The following DGLUCY variants were observed in gnomAD, a reference collection of about 807,000 sequenced individuals.
DGLUCY encodes the protein D-glutamate cyclase, also known as D-glutamate cyclase, mitochondrial.
Under a neutral mutation model 58.5 loss-of-function variants are expected in DGLUCY, and 58 were observed. The observed-to-expected ratio is 0.99, with a 90% CI of 0.80 to 1.23. The LOEUF is 1.23. Among genes scored for constraint, DGLUCY ranks in the 50% most tolerant of loss-of-function variants. DGLUCY has a pLI of 0.00. For synonymous variants in DGLUCY, 325 were observed against 314.1 expected, an observed-to-expected ratio of 1.03 and a Z score of -0.37; for missense variants, 779 against 784.7, an observed-to-expected ratio of 0.99 and a Z score of 0.09.
intron 1 of DGLUCY, among the ~76,000 whole-genome samples, chr14:91,071,334 C>CAA (rs3086750): frequency 0.085 from 7,178 of 84,062 alleles, 608 homozygotes; most frequent in African/African-American, 0.24. Flanking sequence ...GAGATTCCAC[C>CAA]AAAAAAAAAA....
At chr14:91,176,142 C>A (rs1432098581) in intron 7 of DGLUCY, 86 bp downstream of exon 7, 2 of 1,462,164 alleles carry the variant, frequency 1.4e-6, no homozygotes, top group Non-Finnish European at 1.8e-6. Flanking sequence ...TCTCGTAGTA[C>A]AATGATTTAA....
intron 12 of DGLUCY, among the ~76,000 whole-genome samples, chr14:91,210,221 C>A (rs1476740256): frequency 6.6e-6 from 1 of 151,978 alleles, no homozygotes; most frequent in Non-Finnish European, 1.5e-5. Context: ...GCCAAGATTG[C>A]CCCAAAAAAA....
chr14:91,137,552 ATTT>A (rs55763052), intron 1 of DGLUCY, among the ~76,000 whole-genome samples: 13 of 139,814 alleles, frequency 9.3e-5, no homozygotes, highest in Admixed American at 1.4e-4. Flanking sequence ...CGCCTGGCTA[ATTT>A]TTTTTTTTTT....
intron 1 of DGLUCY, among the ~76,000 whole-genome samples, chr14:91,075,258 T>A (rs2044001287): frequency 6.6e-6 from 1 of 152,148 alleles, no homozygotes; most frequent in African/African-American, 2.4e-5. Context: ...ATCCTCCTCC[T>A]ACAGGGTTGT....
chr14:91,181,350 A>G lies in DGLUCY; in HGVS notation c.895A>G (p.Lys299Glu), dbSNP rs778303229. 28 of 1,613,972 alleles carry G rather than the reference A, an allele frequency of 1.7e-5. No homozygotes were observed. The highest frequency in any genetic ancestry group is 2.4e-5 in the Non-Finnish European group (28 of 1,180,046). Reference protein sequence around the residue: ...YSIASVSASQKIRELESMIGI... With the variant: ...YSIASVSASQEIRELESMIGI... Reference sequence around the variant, plus strand: ...CATCGCGTCAGTCTCTGCTTCTCAGAAGATCAGAGAACTAGAGTCTATGAT... The same window carrying G: ...CATCGCGTCAGTCTCTGCTTCTCAGGAGATCAGAGAACTAGAGTCTATGAT... The change falls in exon 8 of 14, where the codon AAG becomes GAG. Residue 299 changes from lysine to glutamate, a missense_variant. Transcript: ENST00000256324.
At chr14:91,157,835 A>G (rs773547153) in intron 2 of DGLUCY, 145 bp downstream of exon 2, 4 of 152,236 alleles carry the variant, frequency 2.6e-5, no homozygotes, top group Admixed American at 1.3e-4. Context: ...CCTAGAAATC[A>G]ACTTACATTT....
intron 1 of DGLUCY, among the ~76,000 whole-genome samples, chr14:91,089,585 G>T (rs1461431420): frequency 6.6e-6 from 1 of 152,188 alleles, no homozygotes; most frequent in African/African-American, 2.4e-5. Context: ...ACTTTGGGAG[G>T]CCGAGGCGAG....
rs572499754 is a variant in DGLUCY, at chr14:91,151,722, T to G, written c.-81-5917T>G. ...CAGGCTGGAGTGCAGTGGTGCGATC[T>G]TGGCTCACTGCAACCTCCGCCTCCT... On this transcript the variant is annotated intron_variant, in intron 1 of 13. Coordinates refer to ENST00000256324, the MANE Select transcript of DGLUCY (RefSeq NM_001102368.3). 4.3e-4 allele frequency among the ~76,000 whole-genome samples: 66 copies of G among 151,772 alleles called. No individual in the cohort carries two copies. The South Asian group carries it at 0.013, about 30-fold the overall frequency.
chr14:91,087,447 A>C (rs1450350483), intron 1 of DGLUCY, among the ~76,000 whole-genome samples: 1 of 152,258 alleles, frequency 6.6e-6, no homozygotes, highest in African/African-American at 2.4e-5. Flanking sequence ...AACATTCTTA[A>C]GTATTTGCTA....
intron 3 of DGLUCY, among the ~76,000 whole-genome samples, chr14:91,165,818 A>T (rs2048251226): frequency 6.6e-6 from 1 of 152,256 alleles, no homozygotes; most frequent in Non-Finnish European, 1.5e-5. Context: ...GTATCTATTA[A>T]AGTTGCACAT....
At chr14:91,135,665 A>AAC (rs2046286328) in intron 1 of DGLUCY, among the ~76,000 whole-genome samples, 2 of 150,706 alleles carry the variant, frequency 1.3e-5, no homozygotes. Context: ...AAAAAAAAAA[A>AAC]AAAAAAAAAC....
At chr14:91,127,345 T>C (rs532461866) in intron 1 of DGLUCY, among the ~76,000 whole-genome samples, 3 of 152,342 alleles carry the variant, frequency 2.0e-5, no homozygotes, top group African/African-American at 7.2e-5. Flanking sequence ...TAAGCCACCA[T>C]GCCAGGACCT....
intron 1 of DGLUCY, among the ~76,000 whole-genome samples, chr14:91,144,239 TAACAA>T (rs2046893229): frequency 2.0e-5 from 3 of 152,120 alleles, no homozygotes; most frequent in Admixed American, 6.6e-5. Flanking sequence ...GGCCGTTTGG[TAACAA>T]ACATTTATCA....
intron 8 of DGLUCY, among the ~76,000 whole-genome samples, chr14:91,187,127 G>A (rs1484813215): frequency 1.3e-5 from 2 of 152,076 alleles, no homozygotes; most frequent in Non-Finnish European, 2.9e-5. Context: ...AGCCTCCTGA[G>A]TAGCTGGGAT....
intron 2 of DGLUCY, among the ~76,000 whole-genome samples, chr14:91,159,293 A>C (rs2047844039): frequency 1.3e-5 from 2 of 152,212 alleles, no homozygotes; most frequent in Middle Eastern, 6.8e-3. Context: ...CTAAAAATAC[A>C]AAAACAAGCC....
At chr14:91,200,978 G>A (rs1340148021) in intron 11 of DGLUCY, among the ~76,000 whole-genome samples, 2 of 150,088 alleles carry the variant, frequency 1.3e-5, no homozygotes, top group African/African-American at 2.5e-5. Flanking sequence ...ATATTACAAA[G>A]TACCTTCTTC....
intron 1 of DGLUCY, among the ~76,000 whole-genome samples, chr14:91,061,100 G>C (rs1219318622): frequency 6.6e-6 from 1 of 152,156 alleles, no homozygotes; most frequent in Non-Finnish European, 1.5e-5. Context: ...GCCAATCACC[G>C]TGGACAGAGG....
At chr14:91,078,718 C>T (rs2044072001) in intron 1 of DGLUCY, among the ~76,000 whole-genome samples, 1 of 151,978 alleles carries the variant, frequency 6.6e-6, no homozygotes, top group Admixed American at 6.6e-5. Flanking sequence ...TTTTGGTCTT[C>T]AAAGTAATTC....
chr14:91,125,811 A>T (rs2045636609), intron 1 of DGLUCY, among the ~76,000 whole-genome samples: 1 of 152,060 alleles, frequency 6.6e-6, no homozygotes, highest in Non-Finnish European at 1.5e-5. Context: ...AAATTAGCCG[A>T]GCCTGGGCTA....
Sources: allele counts gnomAD v4.1 joint callset (sites outside exome capture counted in the v4.1 genomes callset), GRCh38; gene constraint gnomAD v4.1.1; transcripts MANE v1.5; gene names NCBI Gene and HGNC (gene_info 2026-07-23, HGNC 2026-07-21).